The following PBX1 variants were observed in gnomAD, a reference collection of about 807,000 sequenced individuals.
PBX1 encodes the protein PBX homeobox 1.
Under a neutral mutation model 53.4 loss-of-function variants are expected in PBX1, and 6 were observed. The observed-to-expected ratio is 0.11, with a 90% CI of 0.06 to 0.22. The LOEUF is 0.22. Among genes scored for constraint, PBX1 ranks in the 10% least tolerant of loss-of-function variants. The pLI, the probability that PBX1 is intolerant of heterozygous loss-of-function variation, is 1.00. For synonymous variants in PBX1, 204 were observed against 212.3 expected (o/e 0.96, Z 0.34); for missense variants, 251 against 551.4 (o/e 0.46, Z 5.46).
chr1:164,857,209 C>T (rs1044606479), intron 2 of PBX1, among the ~76,000 whole-genome samples: 1 of 152,132 alleles, frequency 6.6e-6, no homozygotes, highest in Non-Finnish European at 1.5e-5. Context: ...TCTCATGACT[C>T]CCTCCTCAAA....
chr1:164,645,199 G>A (rs1659379949), intron 2 of PBX1, among the ~76,000 whole-genome samples: 1 of 152,166 alleles, frequency 6.6e-6, no homozygotes, highest in South Asian at 2.1e-4. Context: ...CACCCTTAAG[G>A]ATGAAGCCTA....
intron 2 of PBX1, among the ~76,000 whole-genome samples, chr1:164,588,492 TTTTTTTTTA>T (rs1362851497): frequency 1.5e-3 from 221 of 148,670 alleles, no homozygotes; most frequent in African/African-American, 5.1e-3. Flanking sequence ...TTTTTTTTTT[TTTTTTTTTA>T]GTTTCGAAGC....
At chr1:164,615,208 G>A (rs1253966058) in intron 2 of PBX1, among the ~76,000 whole-genome samples, 1 of 152,122 alleles carries the variant, frequency 6.6e-6, no homozygotes, top group Non-Finnish European at 1.5e-5. Flanking sequence ...GCTTATTTCT[G>A]AAAATAAGAA....
chr1:164,680,170 A>T (rs1035810954), intron 2 of PBX1: 2 of 152,160 alleles, frequency 1.3e-5, no homozygotes, highest in Non-Finnish European at 2.9e-5. Context: ...AGGAAAATCT[A>T]TTTTCAGTCA....
intron 2 of PBX1, among the ~76,000 whole-genome samples, chr1:164,619,767 T>TA (rs897070862): frequency 2.0e-5 from 3 of 152,202 alleles, no homozygotes; most frequent in South Asian, 2.1e-4. Flanking sequence ...TTTTTCAGGT[T>TA]AAAAAAAATC....
intron 2 of PBX1, among the ~76,000 whole-genome samples, chr1:164,860,140 T>C (rs1334869042): frequency 6.6e-6 from 1 of 152,170 alleles, no homozygotes; most frequent in Non-Finnish European, 1.5e-5. Flanking sequence ...CAGGAATCCC[T>C]CACACCCAGA....
At chr1:164,623,139 C>T (rs1657799523) in intron 2 of PBX1, among the ~76,000 whole-genome samples, 1 of 152,120 alleles carries the variant, frequency 6.6e-6, no homozygotes, top group Non-Finnish European at 1.5e-5. Flanking sequence ...ATGTGCTTTC[C>T]TTCCTTCTCT....
intron 2 of PBX1, among the ~76,000 whole-genome samples, chr1:164,790,470 T>C (rs190620990): frequency 1.3e-4 from 20 of 152,248 alleles, no homozygotes; most frequent in African/African-American, 4.8e-4. Context: ...CGTGGTAGTG[T>C]TGTGGTTTGC....
intron 2 of PBX1, among the ~76,000 whole-genome samples, chr1:164,707,418 T>TGTGAGAGAGAGAGAGAGAGAGAGA (rs58617739): frequency 4.1e-4 from 48 of 118,246 alleles, no homozygotes; most frequent in African/African-American, 1.8e-3. Flanking sequence ...TGTGTGTGTG[T>TGTGAGAGAGAGAGAGAGAGAGAGA]GAGAGAGAGA....
chr1:164,853,277 G>A (rs1571532410), downstream of PBX1, among the ~76,000 whole-genome samples: 2 of 152,142 alleles, frequency 1.3e-5, no homozygotes, highest in South Asian at 2.1e-4. Flanking sequence ...GTAGGCGTGG[G>A]GATTAGAAAA....
intron 2 of PBX1, among the ~76,000 whole-genome samples, chr1:164,790,107 G>A (rs900646224): frequency 3.9e-5 from 6 of 152,142 alleles, no homozygotes; most frequent in African/African-American, 9.7e-5. Flanking sequence ...TGGATGCCCC[G>A]AGATTCTTTT....
chr1:164,836,181 G>T (rs1278729130), intron 8 of PBX1, among the ~76,000 whole-genome samples: 1 of 152,088 alleles, frequency 6.6e-6, no homozygotes, highest in Non-Finnish European at 1.5e-5. Flanking sequence ...TTGGATGCTC[G>T]ATCAGTCTCC....
intron 2 of PBX1, among the ~76,000 whole-genome samples, chr1:164,720,380 A>G (rs966513090): frequency 1.3e-5 from 2 of 152,082 alleles, no homozygotes; most frequent in Non-Finnish European, 2.9e-5. Context: ...CTTTTACTGT[A>G]TGTGAAGTCA....
At chr1:164,824,961 A>T (rs965829576) in intron 8 of PBX1, among the ~76,000 whole-genome samples, 4 of 152,092 alleles carry the variant, frequency 2.6e-5, no homozygotes, top group African/African-American at 9.7e-5. Context: ...ACACCCTCTG[A>T]ATTTTGTCAT....
chr1:164,670,648 A>G (rs777182650), intron 2 of PBX1, among the ~76,000 whole-genome samples: 8 of 152,174 alleles, frequency 5.3e-5, no homozygotes, highest in Non-Finnish European at 8.8e-5. Context: ...TGCCAAGACT[A>G]AGAGAGAGAA....
chr1:164,594,573 G>T (rs1011029240), intron 2 of PBX1, among the ~76,000 whole-genome samples: 1 of 152,108 alleles, frequency 6.6e-6, no homozygotes, highest in Non-Finnish European at 1.5e-5. Context: ...GAGCCACTGT[G>T]CCCGGCCAAA....
intron 2 of PBX1, among the ~76,000 whole-genome samples, chr1:164,685,541 T>C (rs1662047450): frequency 6.6e-6 from 1 of 152,138 alleles, no homozygotes; most frequent in Admixed American, 6.5e-5. Context: ...CTTACAGCCA[T>C]GAAATAATGT....
At chr1:164,605,708 G>C (rs1314024646) in intron 2 of PBX1, among the ~76,000 whole-genome samples, 1 of 152,182 alleles carries the variant, frequency 6.6e-6, no homozygotes, top group African/African-American at 2.4e-5. Context: ...TAAATGTGTA[G>C]GGTGCTGGGT....
intron 2 of PBX1, among the ~76,000 whole-genome samples, chr1:164,876,467 G>A (rs1157983679): frequency 6.6e-6 from 1 of 150,556 alleles, no homozygotes; most frequent in Non-Finnish European, 1.5e-5. Context: ...CCCATGCAGG[G>A]ATATTGAAAG....
Sources: gnomAD v4.1 joint callset for allele counts (sites outside exome capture counted in the v4.1 genomes callset) on GRCh38, gnomAD v4.1.1 for gene constraint, MANE v1.5 for transcripts, NCBI Gene and HGNC (gene_info 2026-07-23, HGNC 2026-07-21) for gene names.